Variants in DHX35 observed in about 807,000 individuals in gnomAD.
DHX35 encodes the protein DEAH-box helicase 35, also known as probable ATP-dependent RNA helicase DHX35.
Under a neutral mutation model 99.6 loss-of-function variants are expected in DHX35, and 84 were observed. The ratio of observed to expected loss-of-function variants is 0.84; its 90% confidence interval spans 0.71 to 1.01. The LOEUF is 1.01. Ranked by LOEUF, DHX35 falls within the 50% of genes least tolerant of loss-of-function variation. The pLI is 0.00. For synonymous variants in DHX35, 331 were observed against 316.2 expected (o/e 1.05, Z -0.50); for missense variants, 852 against 888.5 (o/e 0.96, Z 0.52).
intron 7 of DHX35, among the ~76,000 whole-genome samples, chr20:38,992,874 TAGCA>T (rs2086362813): frequency 6.6e-6 from 1 of 152,334 alleles, no homozygotes; most frequent in Admixed American, 6.5e-5. Context: ...AATACTGTTG[TAGCA>T]AGCACCCTTG....
intron 3 of DHX35, among the ~76,000 whole-genome samples, chr20:38,980,878 A>G (rs2086161780): frequency 6.6e-6 from 1 of 152,046 alleles, no homozygotes; most frequent in Non-Finnish European, 1.5e-5. Flanking sequence ...TTTCTCCCTA[A>G]TCTTTTCTAG....
chr20:39,014,433 A>G (rs1036020064), intron 13 of DHX35, among the ~76,000 whole-genome samples: 2 of 152,174 alleles, frequency 1.3e-5, no homozygotes, highest in African/African-American at 2.4e-5. Flanking sequence ...AGCGTATGTT[A>G]TTTACCCACC....
intron 20 of DHX35, among the ~76,000 whole-genome samples, chr20:39,033,309 G>T (rs2087090089): frequency 6.6e-6 from 1 of 152,080 alleles, no homozygotes; most frequent in African/African-American, 2.4e-5. Context: ...TGACTTTTGG[G>T]TGGTTAAATT....
intron 21 of DHX35, among the ~76,000 whole-genome samples, chr20:39,034,607 T>C (rs868492386): frequency 9.6e-5 from 11 of 114,452 alleles, no homozygotes; most frequent in African/African-American, 4.1e-4. Context: ...TTTTTTTTTT[T>C]GAGACAGTCT....
intron 14 of DHX35, among the ~76,000 whole-genome samples, chr20:39,017,265 A>G (rs1444578304): frequency 6.6e-6 from 1 of 152,150 alleles, no homozygotes; most frequent in African/African-American, 2.4e-5. Context: ...TGAATAGCCA[A>G]TTACTGATTT....
chr20:39,024,178 A>G (rs2086915858), intron 17 of DHX35, among the ~76,000 whole-genome samples: 2 of 152,240 alleles, frequency 1.3e-5, no homozygotes, highest in South Asian at 4.1e-4. Flanking sequence ...CCCAGCTGCC[A>G]TGAGAAGACA....
chr20:38,992,470 T>A (rs1285611674), intron 7 of DHX35, 45 bp downstream of exon 7: 1 of 1,586,912 alleles, frequency 6.3e-7, no homozygotes, highest in Non-Finnish European at 8.7e-7. Flanking sequence ...TTTATTTTAT[T>A]GCCTAATTAC....
intron 2 of DHX35, among the ~76,000 whole-genome samples, chr20:38,971,204 A>G (rs1471799032): frequency 1.3e-5 from 2 of 152,068 alleles, no homozygotes; most frequent in African/African-American, 4.8e-5. Context: ...AATATAAAAA[A>G]TTAGCCGGGC....
intron 1 of DHX35, among the ~76,000 whole-genome samples, chr20:38,968,581 T>A (rs2085944420): frequency 6.6e-6 from 1 of 152,138 alleles, no homozygotes; most frequent in African/African-American, 2.4e-5. Flanking sequence ...AGAGTCTTGC[T>A]CTGTCGCCCA....
intron 7 of DHX35, among the ~76,000 whole-genome samples, chr20:38,992,642 A>G (rs537103312): frequency 2.6e-5 from 4 of 151,708 alleles, no homozygotes; most frequent in South Asian, 2.1e-4. Context: ...GTGTGTGTGT[A>G]CTTGGATCTG....
rs895494797 is a variant in DHX35 at position 39,006,041 on chromosome 20, A to T, written c.1012-105A>T. The T allele has an allele frequency of 1.2e-5, 16 of 1,328,080 alleles. No homozygotes were observed. In the East Asian group the frequency reaches 3.3e-4, roughly 28 times the overall value. 82.3% of individuals were successfully genotyped at this position (1,328,080 alleles called of 1,614,324 possible). ...TCTAGTATATTAAACTGCCTCTCAC[A>T]GATTCTGCAATGTTGGAAATGTTAA... On this transcript the variant is annotated intron_variant, in intron 11 of 21. Transcript: ENST00000252011.
At chr20:39,021,750 C>A (rs2086875404) in intron 15 of DHX35, 91 bp from the exon 16 acceptor site, 2 of 1,233,936 alleles carry the variant, frequency 1.6e-6, no homozygotes, top group South Asian at 2.4e-5. Context: ...TCTTAGTCTT[C>A]AGTGTGGTGC....
intron 3 of DHX35, among the ~76,000 whole-genome samples, chr20:38,974,698 A>T (rs912778834): frequency 6.6e-6 from 1 of 152,204 alleles, no homozygotes; most frequent in Non-Finnish European, 1.5e-5. Flanking sequence ...AAGGAGATGG[A>T]ACAGAAATAA....
chr20:39,032,234 T>G (rs1417877426), intron 20 of DHX35, among the ~76,000 whole-genome samples: 2 of 152,246 alleles, frequency 1.3e-5, no homozygotes, highest in African/African-American at 4.8e-5. Context: ...CCCAGTGGTG[T>G]GATCTTGGCT....
At position 39,039,162 on chromosome 20, in the gene DHX35, CAGAG is replaced by C. The variant is rs2087205638; in HGVS notation, c.*622_*625del. On this transcript the variant is annotated 3_prime_UTR_variant, in exon 22 of 22. Transcript: ENST00000252011. ...AGACTTGCAAGGGATTGGTGATTGA[CAGAG>C]AGGACTCGTGCGCTGTTTTGTGTTA... 2 of 153,352 alleles carry C rather than the reference CAGAG, an allele frequency of 1.3e-5. No individual in the cohort carries two copies. The highest frequency in any genetic ancestry group is 2.9e-5 in the Non-Finnish European group (2 of 68,806). 9.5% of individuals were successfully genotyped at this position (153,352 alleles called of 1,614,324 possible).
rs986973411 is a variant in DHX35, at chr20:38,988,198, T to G, written c.346-615T>G. Among the ~76,000 whole-genome samples, 3 of 152,376 alleles carry G rather than the reference T, an allele frequency of 2.0e-5. No individual in the cohort carries two copies. The East Asian group carries it at 5.8e-4, about 29-fold the overall frequency. On this transcript the variant is annotated intron_variant, in intron 4 of 21. Transcript: ENST00000252011. ...TGGCATATCTATGTTTAACATTTTC[T>G]CATTGGCTTTGATCTTTTGAAATTT...
At chr20:38,989,199 G>C (rs1161178189) in intron 5 of DHX35, among the ~76,000 whole-genome samples, 1 of 147,486 alleles carries the variant, frequency 6.8e-6, no homozygotes, top group African/African-American at 2.5e-5. Flanking sequence ...CTGGGTTCAC[G>C]CCATTCTCCT....
chr20:39,008,546 G>GA (rs1193914539), intron 12 of DHX35, among the ~76,000 whole-genome samples: 2 of 152,172 alleles, frequency 1.3e-5, no homozygotes, highest in Non-Finnish European at 2.9e-5. Context: ...CAGTTTAGTG[G>GA]AAGTGGGGTT....
chr20:38,991,687 G>A (rs955178742), intron 6 of DHX35, among the ~76,000 whole-genome samples, 172 bp downstream of exon 6: 2 of 152,032 alleles, frequency 1.3e-5, no homozygotes, highest in Admixed American at 6.6e-5. Context: ...TAAATAGTAT[G>A]GCCCTTTACA....
Sources: gnomAD v4.1 joint callset for allele counts (sites outside exome capture counted in the v4.1 genomes callset) on GRCh38, gnomAD v4.1.1 for gene constraint, MANE v1.5 for transcripts, NCBI Gene and HGNC (gene_info 2026-07-23, HGNC 2026-07-21) for gene names.